Variants in PLA2G4E observed in about 807,000 individuals in gnomAD.
PLA2G4E encodes cytosolic phospholipase A2 epsilon.
A neutral mutation model predicts 109.1 loss-of-function variants in PLA2G4E; 84 were observed. The observed-to-expected ratio is 0.77, with a 90% CI of 0.65 to 0.92. The LOEUF is 0.92. Ranked by LOEUF, PLA2G4E falls within the 40% of genes least tolerant of loss-of-function variation. The pLI is 0.00. For synonymous variants in PLA2G4E, 469 were observed against 436.1 expected, an observed-to-expected ratio of 1.08 and a Z score of -0.94; for missense variants, 1,057 against 1,076.6, an observed-to-expected ratio of 0.98 and a Z score of 0.25.
intron 1 of PLA2G4E, among the ~76,000 whole-genome samples, chr15:42,036,168 C>A (rs955175609): frequency 6.6e-6 from 1 of 152,228 alleles, no homozygotes; most frequent in Admixed American, 6.5e-5. Context: ...GCGGCCGCTG[C>A]CATCACCGGC....
chr15:42,002,794 T>C (rs994049343), intron 5 of PLA2G4E, 98 bp from the exon 6 acceptor site: 1 of 1,132,248 alleles, frequency 8.8e-7, no homozygotes, highest in Non-Finnish European at 1.3e-6. Flanking sequence ...TAACAAAATA[T>C]CAGAGCCTTC....
At chr15:41,988,276 G>A (rs1221547889) in intron 15 of PLA2G4E, 120 bp from the exon 16 acceptor site, 2 of 684,092 alleles carry the variant, frequency 2.9e-6, no homozygotes, top group Non-Finnish European at 4.9e-6. Context: ...CCACAGGCGG[G>A]ACAGACTTCA....
chr15:42,026,972 CA>C lies in PLA2G4E; in HGVS notation c.184-13216del, dbSNP rs35499215. ...TGGGCGACAGAGCAAGACTCTATCT[CA>C]AAAAAAAAAAAAGAAAGAAAGAAAG... is the stretch of plus-strand genomic sequence containing the variant. On this transcript the variant is annotated intron_variant, in intron 1 of 19. Coordinates refer to ENST00000399518, the Ensembl canonical transcript of PLA2G4E. Among the ~76,000 whole-genome samples the C allele has an allele frequency of 7.8e-3, 1,095 of 140,202 alleles. 8 individuals carry two copies. Among genetic ancestry groups the C allele is most frequent in the African/African-American group, 0.025 (923 of 37,588 alleles). The allele number at this position is 140,202 out of a possible 152,430, so 92.0% of individuals were successfully genotyped here.
chr15:42,034,465 C>A (rs1169359559), intron 1 of PLA2G4E, among the ~76,000 whole-genome samples: 1 of 152,092 alleles, frequency 6.6e-6, no homozygotes, highest in Non-Finnish European at 1.5e-5. Context: ...ACCTAGAGTC[C>A]CTTTCCCCTT....
chr15:42,012,291 T>A (rs957692568), intron 2 of PLA2G4E, among the ~76,000 whole-genome samples: 4 of 152,142 alleles, frequency 2.6e-5, no homozygotes, highest in Non-Finnish European at 5.9e-5. Context: ...AGACCCCAGG[T>A]ACCCCAACAC....
chr15:42,043,308 G>A (rs1446112244), intron 1 of PLA2G4E, among the ~76,000 whole-genome samples: 8 of 152,098 alleles, frequency 5.3e-5, no homozygotes, highest in Admixed American at 5.2e-4. Flanking sequence ...ACTTTACTAG[G>A]CAGGGAGGAG....
chr15:42,049,441 A>C (rs953131040), intron 1 of PLA2G4E, among the ~76,000 whole-genome samples: 2 of 152,204 alleles, frequency 1.3e-5, no homozygotes, highest in South Asian at 4.1e-4. Flanking sequence ...TTGGGGATTA[A>C]GTTTCCAACA....
intron 5 of PLA2G4E, among the ~76,000 whole-genome samples, chr15:42,003,027 ACCTG>A (rs1038913851): frequency 6.6e-6 from 1 of 152,250 alleles, no homozygotes; most frequent in Non-Finnish European, 1.5e-5. Flanking sequence ...AATGGCTGCA[ACCTG>A]CCAGCTAGAG....
At chr15:42,000,654 C>T (rs557196325) in intron 7 of PLA2G4E, among the ~76,000 whole-genome samples, 1 of 152,336 alleles carries the variant, frequency 6.6e-6, no homozygotes, top group South Asian at 2.1e-4. Flanking sequence ...GTCCTCCCTC[C>T]CTCCCTCATG....
Position 41,984,626 on chromosome 15 carries a change from C to T in PLA2G4E, c.2203-7G>A. ...CACAGGTTTGTTTCAGGGGCTGGAA[C>T]AGCACAGAGGGCGTGTTTGAGCATT... On this transcript the variant is annotated splice_polypyrimidine_tract_variant and splice_region_variant and intron_variant, in intron 18 of 19. Transcript: ENST00000399518. 1 of 1,593,928 alleles carries T rather than the reference C, an allele frequency of 6.3e-7. No homozygotes were observed.
intron 11 of PLA2G4E, among the ~76,000 whole-genome samples, 183 bp from the exon 12 acceptor site, chr15:41,995,679 ACC>A (rs2068328114): frequency 1.3e-5 from 2 of 152,062 alleles, no homozygotes; most frequent in Non-Finnish European, 2.9e-5. Context: ...CTAGAAATAG[ACC>A]TCAGCTCCAC....
chr15:41,983,644 C>T (rs1566832480), exon 20 of PLA2G4E: 1 of 996,066 alleles, frequency 1.0e-6, no homozygotes, highest in Non-Finnish European at 1.5e-6. Flanking sequence ...AACCTGCTCA[C>T]ACCCATTGCC....
exon 19 of PLA2G4E, chr15:41,984,594 C>T: frequency 6.2e-7 from 1 of 1,610,152 alleles, no homozygotes; most frequent in East Asian, 2.2e-5. Flanking sequence ...CTGCACAGTG[C>T]AGTACTCACA....
At chr15:42,042,385 CTATT>C (rs57896609) in intron 1 of PLA2G4E, among the ~76,000 whole-genome samples, 29,011 of 152,000 alleles carry the variant, frequency 0.19, 2,891 homozygotes, top group South Asian at 0.33. Context: ...TTTATTTTCT[CTATT>C]ACATTTTTCA....
At chr15:41,999,501 C>T (rs763736611) in intron 10 of PLA2G4E, 23 bp downstream of exon 10, 48 of 1,550,110 alleles carry the variant, frequency 3.1e-5, no homozygotes, top group African/African-American at 2.0e-4. Context: ...GTGAGAGGCA[C>T]GGACAGAATG....
chr15:41,987,059 C>A, intron 17 of PLA2G4E, 113 bp downstream of exon 17: 1 of 1,084,940 alleles, frequency 9.2e-7, no homozygotes, highest in Non-Finnish European at 1.3e-6. Context: ...GGTGCCTGGC[C>A]CAGTGAACAT....
intron 18 of PLA2G4E, among the ~76,000 whole-genome samples, chr15:41,985,180 G>T (rs1335553253): frequency 6.6e-6 from 1 of 152,144 alleles, no homozygotes; most frequent in Non-Finnish European, 1.5e-5. Context: ...GATAGCAGTT[G>T]TGCCGTCTCC....
At chr15:42,018,258 ACCG>A (rs2068615241) in intron 1 of PLA2G4E, among the ~76,000 whole-genome samples, 2 of 152,228 alleles carry the variant, frequency 1.3e-5, no homozygotes, top group Non-Finnish European at 2.9e-5. Context: ...CGAGCAAAGC[ACCG>A]TGTCTCTGAT....
chr15:41,989,472 A>T (rs1470207668), exon 15 of PLA2G4E: 1 of 1,613,830 alleles, frequency 6.2e-7, no homozygotes, highest in Admixed American at 1.7e-5. Flanking sequence ...CCCATGAAGA[A>T]CTCGGAGCCG....
Sources: gnomAD v4.1 joint callset for allele counts (sites outside exome capture counted in the v4.1 genomes callset) on GRCh38, gnomAD v4.1.1 for gene constraint, MANE v1.5 for transcripts, NCBI Gene and HGNC (gene_info 2026-07-23, HGNC 2026-07-21) for gene names.